Variants in NDST4 observed in about 807,000 individuals in gnomAD.
The protein encoded by NDST4 is N-deacetylase and N-sulfotransferase 4, also known as N-heparan sulfate sulfotransferase 4.
NDST4 carries 63 observed loss-of-function variants against 100.8 expected under a neutral mutation model. The ratio of observed to expected loss-of-function variants is 0.62; its 90% CI spans 0.51 to 0.77. The LOEUF is 0.77. Ranked by LOEUF, NDST4 falls within the 30% of genes least tolerant of loss-of-function variation. The pLI is 0.00. For synonymous variants in NDST4, 377 were observed against 361.8 expected (o/e 1.04, Z -0.48); for missense variants, 943 against 1,018.4 (o/e 0.93, Z 1.01).
intron 2 of NDST4, among the ~76,000 whole-genome samples, chr4:115,022,378 CATATGTGTTCCATAT>C (rs1727861767): frequency 1.6e-4 from 3 of 18,788 alleles, no homozygotes; most frequent in African/African-American, 6.1e-4. Flanking sequence ...GTTCCATGTA[CATATGTGTTCCATAT>C]ATATGTGTTC....
At position 115,063,547 on chromosome 4, in the gene NDST4, A is replaced by T. The variant is rs574047363; in HGVS notation, c.978+12512T>A. Among the ~76,000 whole-genome samples, 549 of 151,962 alleles carry T rather than the reference A, an allele frequency of 3.6e-3. 10 individuals are homozygous for T. The highest frequency in any genetic ancestry group is 0.013 in the African/African-American group (528 of 41,452). On this transcript the variant is annotated intron_variant, in intron 2 of 13. Coordinates refer to ENST00000264363, the MANE Select transcript of NDST4 (RefSeq NM_022569.3). ...GTTTTATTTCTTTTTCTCTTTAGTCATTCTTTAGATATGAAACCTTTTTGT... is the reference window on the plus strand; with the variant it reads ...GTTTTATTTCTTTTTCTCTTTAGTCTTTCTTTAGATATGAAACCTTTTTGT...
intron 2 of NDST4, among the ~76,000 whole-genome samples, chr4:115,066,076 C>A (rs1578495159): frequency 2.0e-5 from 3 of 152,116 alleles, no homozygotes; most frequent in African/African-American, 2.4e-5. Flanking sequence ...TGTGTACAAT[C>A]ATGTTGGCAT....
chr4:114,886,937 G>GA (rs1305374114), intron 6 of NDST4, among the ~76,000 whole-genome samples: 6 of 152,082 alleles, frequency 3.9e-5, no homozygotes. Flanking sequence ...AGAGAAAAGT[G>GA]AAAAAGATAA....
chr4:114,833,546 C>T (rs1017726437), intron 12 of NDST4, 60 bp downstream of exon 12: 6 of 1,062,662 alleles, frequency 5.6e-6, no homozygotes, highest in Non-Finnish European at 2.9e-6. Context: ...TACACACCTA[C>T]CAGTGATAAT....
intron 6 of NDST4, among the ~76,000 whole-genome samples, chr4:114,919,846 G>T (rs191458987): frequency 6.6e-6 from 1 of 152,264 alleles, no homozygotes; most frequent in African/African-American, 2.4e-5. Context: ...CTGCAGAGAT[G>T]GAGAGAAAAT....
intron 1 of NDST4, among the ~76,000 whole-genome samples, chr4:115,091,938 T>C (rs1323406216): frequency 6.6e-6 from 1 of 152,154 alleles, no homozygotes; most frequent in Non-Finnish European, 1.5e-5. Flanking sequence ...GAGTACTAAA[T>C]AACACTATAA....
At chr4:115,058,803 G>A (rs1215656835) in intron 2 of NDST4, among the ~76,000 whole-genome samples, 1 of 151,842 alleles carries the variant, frequency 6.6e-6, no homozygotes, top group Admixed American at 6.6e-5. Flanking sequence ...TACTCCACAG[G>A]AGCTCCAAAC....
intron 1 of NDST4, among the ~76,000 whole-genome samples, chr4:115,106,162 G>A (rs1165847653): frequency 6.6e-6 from 1 of 152,106 alleles, no homozygotes. Context: ...GAAGAGGAAG[G>A]TCATAGAAGA....
chr4:114,840,564 C>G (rs958528940), intron 10 of NDST4, among the ~76,000 whole-genome samples: 1 of 152,090 alleles, frequency 6.6e-6, no homozygotes, highest in African/African-American at 2.4e-5. Context: ...ACGGTTGAAG[C>G]TTTCAAGCTA....
chr4:114,921,088 G>A (rs1725276619), intron 6 of NDST4, among the ~76,000 whole-genome samples: 1 of 152,032 alleles, frequency 6.6e-6, no homozygotes, highest in South Asian at 2.1e-4. Context: ...AGAACTTAGT[G>A]TTTCCAAAAA....
intron 4 of NDST4, among the ~76,000 whole-genome samples, chr4:114,943,084 A>T (rs1460591973): frequency 3.4e-5 from 5 of 147,354 alleles, no homozygotes; most frequent in Admixed American, 6.8e-5. Context: ...ATATAATATA[A>T]TTTAAATTAT....
intron 2 of NDST4, among the ~76,000 whole-genome samples, chr4:114,990,128 C>T (rs928440491): frequency 1.3e-5 from 2 of 151,844 alleles, no homozygotes; most frequent in African/African-American, 4.8e-5. Flanking sequence ...AATGAGTAAT[C>T]AAGCAAAATA....
chr4:115,038,342 G>C (rs1458865703), intron 2 of NDST4, among the ~76,000 whole-genome samples: 1 of 152,082 alleles, frequency 6.6e-6, no homozygotes, highest in Non-Finnish European at 1.5e-5. Context: ...AAAGGAGAAA[G>C]CTGGGGAAAA....
chr4:115,060,282 T>C (rs981072096), intron 2 of NDST4, among the ~76,000 whole-genome samples: 1 of 152,136 alleles, frequency 6.6e-6, no homozygotes, highest in Non-Finnish European at 1.5e-5. Context: ...AGAAACATTC[T>C]GATGTCTCAA....
intron 2 of NDST4, among the ~76,000 whole-genome samples, chr4:115,048,240 A>G (rs911450515): frequency 2.0e-5 from 3 of 152,172 alleles, no homozygotes; most frequent in Non-Finnish European, 4.4e-5. Flanking sequence ...ACCAGTTAAA[A>G]GAACTGAAAA....
intron 2 of NDST4, among the ~76,000 whole-genome samples, chr4:115,070,375 A>G (rs1313594268): frequency 6.6e-6 from 1 of 152,152 alleles, no homozygotes; most frequent in Non-Finnish European, 1.5e-5. Context: ...GAACACATGG[A>G]CACATAGAAG....
chr4:115,077,045 A>G lies in NDST4; in HGVS notation c.-9T>C. 4 of 1,579,638 alleles carry G rather than the reference A, an allele frequency of 2.5e-6. No homozygotes were observed. Among genetic ancestry groups the G allele is most frequent in the Non-Finnish European group, 3.4e-6 (4 of 1,165,510 alleles). ...TTCACAATAAGATTCATTTTTTAGA[A>G]TAATGTTTTGGAAGCTTTTTCCCAA... On this transcript the variant is annotated 5_prime_UTR_variant, in exon 2 of 14. Transcript: ENST00000264363.
intron 2 of NDST4, among the ~76,000 whole-genome samples, chr4:115,071,276 T>TCACACACACACACA (rs70964340): frequency 5.1e-5 from 7 of 138,178 alleles, no homozygotes; most frequent in African/African-American, 1.9e-4. Context: ...AAGTATGCCT[T>TCACACACACACACA]CACACACACA....
At chr4:114,856,919 A>C (rs140297165) in intron 7 of NDST4, among the ~76,000 whole-genome samples, 45 of 152,218 alleles carry the variant, frequency 3.0e-4, no homozygotes, top group African/African-American at 1.0e-3. Flanking sequence ...GTACATTGCA[A>C]CTCCTACTGC....
Sources: gnomAD v4.1 joint callset for allele counts (sites outside exome capture counted in the v4.1 genomes callset) on GRCh38, gnomAD v4.1.1 for gene constraint, MANE v1.5 for transcripts, NCBI Gene and HGNC (gene_info 2026-07-23, HGNC 2026-07-21) for gene names.